The following NRIP1 variants were observed in gnomAD, a reference collection of about 807,000 sequenced individuals.
NRIP1 encodes nuclear receptor interacting protein 1.
A neutral mutation model predicts 75.0 loss-of-function variants in NRIP1; 28 were observed. That is an observed-to-expected ratio of 0.37 (90% CI 0.28 to 0.51). The LOEUF is 0.51. NRIP1 is among the 20% of genes least tolerant of loss of function. The pLI, the probability that NRIP1 is intolerant of heterozygous loss-of-function variation, is 0.92. For missense variants in NRIP1, 1,435 were observed against 1,343.7 expected, an observed-to-expected ratio of 1.07 and a Z score of -1.06; for synonymous variants, 526 against 487.6, an observed-to-expected ratio of 1.08 and a Z score of -1.04.
At chr21:15,031,693 G>A (rs1395328786) in intron 2 of NRIP1, among the ~76,000 whole-genome samples, 4 of 93,632 alleles carry the variant, frequency 4.3e-5, no homozygotes, top group African/African-American at 1.1e-4. Context: ...GAAGGCGCTC[G>A]GAGGATCACC....
At chr21:15,037,167 T>G (rs2088854552) in intron 2 of NRIP1, among the ~76,000 whole-genome samples, 1 of 152,136 alleles carries the variant, frequency 6.6e-6, no homozygotes, top group African/African-American at 2.4e-5. Context: ...ATGTACATAT[T>G]CAACAAAATA....
chr21:14,965,457 A>C lies in NRIP1; in HGVS notation c.2736T>G (p.Pro912=). Residue 912 remains proline, a synonymous_variant, in exon 4 of 4, where the codon CCT becomes CCG. Coordinates refer to ENST00000318948, the MANE Select transcript of NRIP1 (RefSeq NM_003489.4). Reference sequence around the variant, plus strand: ...TTTCGCTGGCTGAGCCATGACCAGCAGGATATTTAAATTCAAGATCATTTC... The same window carrying C: ...TTTCGCTGGCTGAGCCATGACCAGCCGGATATTTAAATTCAAGATCATTTC... ...FSRNDLEFKY[P]AGHGSASESE... 1 of 1,613,948 alleles carries C rather than the reference A, an allele frequency of 6.2e-7. No individual in the cohort carries two copies. Among genetic ancestry groups the C allele is most frequent in the Non-Finnish European group, 8.5e-7 (1 of 1,179,912 alleles).
intron 2 of NRIP1, among the ~76,000 whole-genome samples, chr21:15,030,233 C>T (rs1328033093): frequency 6.6e-6 from 1 of 152,206 alleles, no homozygotes; most frequent in Non-Finnish European, 1.5e-5. Flanking sequence ...ATCATTATGA[C>T]AATTCATTAA....
intron 1 of NRIP1, chr21:15,051,291 T>TGTGTGCGCGTGC: frequency 6.1e-6 from 1 of 163,268 alleles, no homozygotes; most frequent in Non-Finnish European, 1.3e-5. Flanking sequence ...TGTGCGCGTG[T>TGTGTGCGCGTGC]GTGTGTCATT....
intron 3 of NRIP1, among the ~76,000 whole-genome samples, chr21:14,994,257 T>C (rs1035103282): frequency 2.0e-5 from 3 of 152,112 alleles, no homozygotes; most frequent in African/African-American, 7.2e-5. Context: ...CTTGAGTAGC[T>C]GGGATTACAG....
chr21:15,057,747 A>T (rs1274998237), intron 1 of NRIP1, among the ~76,000 whole-genome samples: 2 of 152,214 alleles, frequency 1.3e-5, no homozygotes, highest in Non-Finnish European at 2.9e-5. Flanking sequence ...CAGGCAAGTT[A>T]ACTATTCTTG....
At chr21:14,977,082 T>TAC (rs900907180) in intron 3 of NRIP1, among the ~76,000 whole-genome samples, 23 of 152,338 alleles carry the variant, frequency 1.5e-4, no homozygotes, top group African/African-American at 5.3e-4. Context: ...ATCAAAGGGC[T>TAC]ACTTAATTAT....
chr21:15,033,998 A>C (rs1276465945), intron 2 of NRIP1, among the ~76,000 whole-genome samples: 1 of 152,026 alleles, frequency 6.6e-6, no homozygotes, highest in East Asian at 1.9e-4. Flanking sequence ...TCCTTGCTGG[A>C]CCCCACTAGA....
chr21:14,995,856 G>T (rs1449528743), intron 3 of NRIP1, among the ~76,000 whole-genome samples: 2 of 152,032 alleles, frequency 1.3e-5, no homozygotes, highest in Admixed American at 6.6e-5. Context: ...AATGCTCTTT[G>T]TAAAAGGTAA....
At position 14,964,887 on chromosome 21, in the gene NRIP1, G is replaced by A. The variant is rs748289822; in HGVS notation, c.3306C>T (p.Val1102=). 1 of 1,613,166 alleles carries A rather than the reference G, an allele frequency of 6.2e-7. No homozygotes were observed. Among genetic ancestry groups the A allele is most frequent in the Admixed American group, 1.7e-5 (1 of 59,872 alleles). ...EASSAESVSQ[V]TAKEELLPTA... is the part of the protein sequence containing the mutation. The stretch of plus-strand genomic sequence containing the variant: ...TAGGAAGTAACTCTTCTTTGGCTGT[G>A]ACCTGTGAGACACTTTCAGCAGATG... The change falls in exon 4 of 4, where the codon GTC becomes GTT. Residue 1102 remains valine (V), a synonymous_variant. Coordinates refer to ENST00000318948, the MANE Select transcript of NRIP1 (RefSeq NM_003489.4).
intron 2 of NRIP1, among the ~76,000 whole-genome samples, chr21:15,031,233 G>A (rs149126917): frequency 0.011 from 1,612 of 143,566 alleles, 17 homozygotes; most frequent in Non-Finnish European, 0.014. Context: ...ATACACTCTG[G>A]AAGGTGGTTG....
At chr21:15,030,236 T>C (rs576504816) in intron 2 of NRIP1, among the ~76,000 whole-genome samples, 1 of 152,300 alleles carries the variant, frequency 6.6e-6, no homozygotes, top group African/African-American at 2.4e-5. Context: ...ATTATGACAA[T>C]TCATTAACTG....
At position 14,965,892 on chromosome 21, in the gene NRIP1, G is replaced by A; in HGVS notation, c.2301C>T (p.Asn767=). The part of the protein sequence containing the change: ...SEPCDDLQIP[N]TNVHLSHDAK... The stretch of plus-strand genomic sequence containing the variant: ...CATCATGGCTCAAGTGCACATTTGT[G>A]TTAGGAATTTGTAAGTCATCACAAG... Residue 767 remains asparagine (N), a synonymous_variant, in exon 4 of 4, where the codon AAC becomes AAT. Transcript: ENST00000318948. 1 of 1,614,072 alleles carries A rather than the reference G, an allele frequency of 6.2e-7. No individual in the cohort carries two copies. Among genetic ancestry groups the A allele is most frequent in the Non-Finnish European group, 8.5e-7 (1 of 1,179,972 alleles).
chr21:15,014,769 T>G (rs780739092), intron 2 of NRIP1, among the ~76,000 whole-genome samples: 21 of 152,046 alleles, frequency 1.4e-4, no homozygotes, highest in South Asian at 1.2e-3. Flanking sequence ...TAGCGTGCTG[T>G]GCTAAATTAA....
intron 3 of NRIP1, among the ~76,000 whole-genome samples, chr21:14,978,125 T>C (rs1246925508): frequency 6.6e-6 from 1 of 152,174 alleles, no homozygotes; most frequent in African/African-American, 2.4e-5. Flanking sequence ...TAAAATAGTG[T>C]CATTCACATT....
At position 14,964,852 on chromosome 21, in the gene NRIP1, G is replaced by T; in HGVS notation, c.3341C>A (p.Thr1114Lys). 1.2e-6 allele frequency: 2 copies of T among 1,613,302 alleles called. No homozygotes were observed. Among genetic ancestry groups the T allele is most frequent in the Non-Finnish European group, 1.7e-6 (2 of 1,179,694 alleles). ...AKEELLPTAE[T>K]KASFFNLRSP... ...TCTTAAATTAAAGAAAGAAGCTTTC[G>T]TTTCTGCAGTAGGAAGTAACTCTTC... Residue 1114 changes from threonine to lysine, a missense_variant, in exon 4 of 4, where the codon ACG becomes AAG. Physicochemically the swap from Thr to Lys is moderately conservative, Grantham distance 78. Coordinates refer to ENST00000318948, the MANE Select transcript of NRIP1 (RefSeq NM_003489.4).
intron 1 of NRIP1, among the ~76,000 whole-genome samples, chr21:15,053,862 T>G (rs770910187): frequency 6.6e-6 from 1 of 152,170 alleles, no homozygotes; most frequent in Non-Finnish European, 1.5e-5. Flanking sequence ...CAACTTTGTC[T>G]TCACAAAGCA....
intron 3 of NRIP1, among the ~76,000 whole-genome samples, chr21:15,010,416 G>C (rs956100392): frequency 1.3e-5 from 2 of 151,746 alleles, no homozygotes; most frequent in Admixed American, 6.6e-5. Flanking sequence ...TTGATATGGA[G>C]GCTTCGCATA....
rs8128574 is a variant in NRIP1, at chr21:15,030,900, A to T, written c.-458+12595T>A. On this transcript the variant is annotated intron_variant, in intron 2 of 3. Coordinates refer to ENST00000318948, the MANE Select transcript of NRIP1 (RefSeq NM_003489.4). Reference sequence around the variant, plus strand: ...GTACACTCTGGAAGGCGCTCGGAGGATCACCACATTCCCTTTCTATGTGTG... The same window carrying T: ...GTACACTCTGGAAGGCGCTCGGAGGTTCACCACATTCCCTTTCTATGTGTG... Among the ~76,000 whole-genome samples, 248 of 35,726 alleles carry T rather than the reference A, an allele frequency of 6.9e-3. 1 individual carries two copies. The highest frequency in any genetic ancestry group is 0.018 in the African/African-American group (220 of 12,070). The allele number at this position is 35,726 out of a possible 152,430, so 23.4% of individuals were successfully genotyped here. A position where few individuals can be genotyped will look rare whatever the true frequency, so the allele number is the denominator to read the frequency against.
Sources: allele counts gnomAD v4.1 joint callset (sites outside exome capture counted in the v4.1 genomes callset), GRCh38; gene constraint gnomAD v4.1.1; transcripts MANE v1.5; gene names NCBI Gene and HGNC (gene_info 2026-07-23, HGNC 2026-07-21).